The following ACER1 variants were observed in gnomAD, a reference collection of about 807,000 sequenced individuals.
ACER1 encodes the protein alkaline ceramidase 1.
A neutral mutation model predicts 24.9 loss-of-function variants in ACER1; 28 were observed. The ratio of observed to expected loss-of-function variants is 1.13; its 90% confidence interval spans 0.83 to 1.54. The LOEUF (loss-of-function observed/expected upper bound fraction) is 1.54, where lower values mean the gene tolerates loss of function less well. Among genes scored for constraint, ACER1 ranks in the 40% most tolerant of loss-of-function variants. The probability of loss-of-function intolerance (pLI) is 0.00; values close to 1 mark genes in which losing one functional copy is unlikely to be tolerated. For synonymous variants in ACER1, 132 were observed against 131.4 expected (o/e 1.00, Z -0.03); for missense variants, 352 against 349.3 (o/e 1.01, Z -0.06).
At chr19:6,316,819 CAAAA>C (rs1167612498) in intron 1 of ACER1, among the ~76,000 whole-genome samples, 3 of 84,830 alleles carry the variant, frequency 3.5e-5, no homozygotes, top group Admixed American at 1.3e-4. Flanking sequence ...GACTCCCTCT[CAAAA>C]AAAAAAAAAA....
chr19:6,341,681 A>G, the ACER1 span, among the ~76,000 whole-genome samples: 1 of 135,536 alleles, frequency 7.4e-6, no homozygotes, highest in Non-Finnish European at 1.5e-5. Context: ...GCTGGAGTAC[A>G]ATGGTGCAGC....
intron 1 of ACER1, among the ~76,000 whole-genome samples, chr19:6,323,348 G>A (rs12982819): frequency 0.58 from 87,244 of 150,566 alleles, 25,619 homozygotes; most frequent in African/African-American, 0.67. Context: ...TGAACCCTAG[G>A]GGGCAGAGCC....
intron 4 of ACER1, among the ~76,000 whole-genome samples, chr19:6,308,982 T>C (rs1334504545): frequency 1.3e-5 from 2 of 151,990 alleles, no homozygotes; most frequent in African/African-American, 4.8e-5. Context: ...GCAGATCACC[T>C]GAGGTCAGGA....
the ACER1 span, among the ~76,000 whole-genome samples, chr19:6,354,305 G>T: frequency 6.6e-6 from 1 of 151,898 alleles, no homozygotes; most frequent in Non-Finnish European, 1.5e-5. Flanking sequence ...TTTACTGTTA[G>T]GGGGGCATTT....
the ACER1 span, among the ~76,000 whole-genome samples, chr19:6,341,464 C>T: frequency 1.4e-5 from 2 of 145,534 alleles, no homozygotes; most frequent in East Asian, 4.0e-4. Context: ...GTCGAAGTTG[C>T]AGTGAGCTAT....
the ACER1 span, among the ~76,000 whole-genome samples, chr19:6,342,997 G>A: frequency 6.6e-5 from 10 of 151,980 alleles, no homozygotes; most frequent in East Asian, 1.2e-3. Flanking sequence ...GGCTGGTCTC[G>A]AACTCCCGAC....
the ACER1 span, chr19:6,343,728 G>C: frequency 2.6e-5 from 4 of 152,218 alleles, no homozygotes; most frequent in African/African-American, 9.7e-5. Flanking sequence ...TAGATGAAAG[G>C]GTTGCTGGGA....
At chr19:6,343,756 A>G in the ACER1 span, 7 of 152,410 alleles carry the variant, frequency 4.6e-5, no homozygotes, top group East Asian at 1.3e-3. Flanking sequence ...TCTGTAGCAC[A>G]GCAGCCACTT....
Position 6,312,122 on chromosome 19 carries a change from T to C in ACER1, c.350+27A>G, listed in dbSNP as rs377192624. ...TCAACTGAAGACTCAGACCCCACCC[T>C]GTCCAGATGGCCAGCCCCTGACCCA... On this transcript the variant is annotated intron_variant, in intron 3 of 5. Coordinates refer to ENST00000301452, the MANE Select transcript of ACER1 (RefSeq NM_133492.3). 216 of 1,609,894 alleles carry C rather than the reference T, an allele frequency of 1.3e-4. No individual in the cohort carries two copies. The African/African-American group carries it at 2.7e-3, about 20-fold the overall frequency.
At chr19:6,335,710 A>G (rs2091711531), upstream of ACER1, among the ~76,000 whole-genome samples, 1 of 151,706 alleles carries the variant, frequency 6.6e-6, no homozygotes, top group African/African-American at 2.4e-5. Flanking sequence ...GGGTGCCCAT[A>G]GTCCCAGCTA....
chr19:6,350,875 C>T, the ACER1 span, among the ~76,000 whole-genome samples: 1 of 152,144 alleles, frequency 6.6e-6, no homozygotes, highest in Non-Finnish European at 1.5e-5. Context: ...CCTGGCTCCT[C>T]GGCAGCCAGG....
chr19:6,332,511 G>T (rs58124313), intron 1 of ACER1, among the ~76,000 whole-genome samples: 17,096 of 151,858 alleles, frequency 0.11, 1,300 homozygotes, highest in East Asian at 0.38. Flanking sequence ...GGGCTCAAGC[G>T]ATCTTCCTGC....
chr19:6,355,164 G>C, the ACER1 span, among the ~76,000 whole-genome samples: 1 of 152,062 alleles, frequency 6.6e-6, no homozygotes, highest in African/African-American at 2.4e-5. Flanking sequence ...GCGTGATCTC[G>C]GCTTGCTACA....
the ACER1 span, among the ~76,000 whole-genome samples, chr19:6,349,904 A>C: frequency 2.0e-5 from 3 of 152,028 alleles, no homozygotes; most frequent in African/African-American, 7.2e-5. Flanking sequence ...GCCGAGATGG[A>C]ACAATCACTT....
the ACER1 span, among the ~76,000 whole-genome samples, chr19:6,357,285 G>A: frequency 2.6e-5 from 4 of 151,950 alleles, no homozygotes; most frequent in Admixed American, 2.6e-4. Context: ...GACCTCAGGT[G>A]AGCCGCCCGC....
intron 1 of ACER1, among the ~76,000 whole-genome samples, chr19:6,327,645 G>A (rs2091667962): frequency 6.6e-6 from 1 of 151,700 alleles, no homozygotes; most frequent in African/African-American, 2.4e-5. Flanking sequence ...TTTGGCCTGT[G>A]GGCAAAGTTC....
intron 1 of ACER1, among the ~76,000 whole-genome samples, chr19:6,312,737 G>A (rs560451209): frequency 8.7e-5 from 13 of 149,926 alleles, no homozygotes; most frequent in African/African-American, 3.2e-4. Context: ...GCGCAGTGGT[G>A]CCATCTCAGC....
At chr19:6,309,580 C>T (rs1002773905) in intron 4 of ACER1, 117 bp downstream of exon 4, 148 of 1,353,022 alleles carry the variant, frequency 1.1e-4, no homozygotes, top group Non-Finnish European at 1.4e-4. Flanking sequence ...AATCCTGGCC[C>T]TGCTACTTGT....
At chr19:6,336,003 C>T (rs111743578), upstream of ACER1, among the ~76,000 whole-genome samples, 7,413 of 151,382 alleles carry the variant, frequency 0.049, 277 homozygotes, top group African/African-American at 0.1. Context: ...CAGGTTCCAG[C>T]GATTCCCCTG....
Sources: gnomAD v4.1 joint callset for allele counts (sites outside exome capture counted in the v4.1 genomes callset) on GRCh38, gnomAD v4.1.1 for gene constraint, MANE v1.5 for transcripts, NCBI Gene and HGNC (gene_info 2026-07-23, HGNC 2026-07-21) for gene names.